The following GARIN1B variants were observed in gnomAD, a reference collection of about 807,000 sequenced individuals.
The protein encoded by GARIN1B is golgi associated RAB2 interactor 1B, also known as Golgi-associated RAB2 interactor protein 1B.
the GARIN1B span, among the ~76,000 whole-genome samples, chr7:128,712,198 C>G: frequency 6.6e-6 from 1 of 152,126 alleles, no homozygotes; most frequent in Non-Finnish European, 1.5e-5. Context: ...GCTTCAGGGC[C>G]TCTAATTCAT....
chr7:128,715,824 G>C, the GARIN1B span: 1 of 795,552 alleles, frequency 1.3e-6, no homozygotes. Flanking sequence ...GACCTGGAAT[G>C]CAAGGCCACC....
chr7:128,711,053 TA>T, the GARIN1B span, among the ~76,000 whole-genome samples: 1 of 152,332 alleles, frequency 6.6e-6, no homozygotes. Flanking sequence ...ATATTATATT[TA>T]ATTTCCTTGA....
At chr7:128,726,682 A>C in the GARIN1B span, 1 of 535,412 alleles carries the variant, frequency 1.9e-6, no homozygotes, top group Non-Finnish European at 2.9e-6. Flanking sequence ...ACACCCATCC[A>C]ATATAGCCAC....
chr7:128,716,099 G>A, the GARIN1B span, among the ~76,000 whole-genome samples: 1 of 152,204 alleles, frequency 6.6e-6, no homozygotes, highest in African/African-American at 2.4e-5. Flanking sequence ...CCAGTCCTCT[G>A]CCTTCTCCTT....
chr7:128,715,430 G>A, the GARIN1B span: 3 of 1,612,582 alleles, frequency 1.9e-6, no homozygotes, highest in Non-Finnish European at 1.7e-6. Context: ...AGGCCCCTGA[G>A]CATGTGTAGA....
chr7:128,717,654 C>T, the GARIN1B span, among the ~76,000 whole-genome samples: 1 of 151,734 alleles, frequency 6.6e-6, no homozygotes, highest in African/African-American at 2.4e-5. Flanking sequence ...ACCATGTTGG[C>T]CAGGCTGGTC....
the GARIN1B span, among the ~76,000 whole-genome samples, chr7:128,725,732 C>T: frequency 6.6e-6 from 1 of 152,150 alleles, no homozygotes; most frequent in Admixed American, 6.5e-5. Flanking sequence ...TCATTGGCCA[C>T]ACTCAGTCAC....
chr7:128,709,750 C>CTTTTTTTT, the GARIN1B span, among the ~76,000 whole-genome samples: 7 of 114,618 alleles, frequency 6.1e-5, 1 homozygote, highest in African/African-American at 6.9e-5. Context: ...CTCTCTCTCT[C>CTTTTTTTT]TTTTTTTTTT....
the GARIN1B span, chr7:128,715,719 CT>C: frequency 6.4e-7 from 1 of 1,564,160 alleles, no homozygotes; most frequent in Non-Finnish European, 8.8e-7. Context: ...GAATAGCACT[CT>C]TTGATTCTTC....
chr7:128,718,456 A>C, the GARIN1B span, among the ~76,000 whole-genome samples: 4 of 151,720 alleles, frequency 2.6e-5, no homozygotes, highest in Non-Finnish European at 5.9e-5. Flanking sequence ...AAAAAGAAAG[A>C]AAGAAAAGAA....
chr7:128,717,092 A>AT, the GARIN1B span: 1 of 1,153,984 alleles, frequency 8.7e-7, no homozygotes, highest in East Asian at 2.6e-5. Context: ...GAAGATAGAG[A>AT]TGTCATCAGC....
the GARIN1B span, among the ~76,000 whole-genome samples, chr7:128,718,446 A>G: frequency 8.6e-5 from 13 of 151,662 alleles, no homozygotes; most frequent in Non-Finnish European, 1.5e-5. Context: ...AAAAAAAAAA[A>G]AAAAGAAAGA....
chr7:128,716,889 C>G, the GARIN1B span: 1 of 1,613,948 alleles, frequency 6.2e-7, no homozygotes, highest in Non-Finnish European at 8.5e-7. Context: ...TCCTCGGTAC[C>G]CTGCCTGCCC....
At chr7:128,718,970 C>G in the GARIN1B span, 2 of 1,614,148 alleles carry the variant, frequency 1.2e-6, no homozygotes, top group Non-Finnish European at 1.7e-6. Flanking sequence ...CTTCTGGATC[C>G]GACTGGTTCA....
chr7:128,720,889 G>C, the GARIN1B span, among the ~76,000 whole-genome samples: 6 of 152,080 alleles, frequency 3.9e-5, no homozygotes, highest in Non-Finnish European at 8.8e-5. Context: ...GTTTGAAAAT[G>C]GGTGATATAA....
the GARIN1B span, among the ~76,000 whole-genome samples, chr7:128,725,338 T>TTTCC: frequency 0.091 from 13,572 of 149,382 alleles, 722 homozygotes; most frequent in Non-Finnish European, 0.11. Context: ...ATCAAATCAC[T>TTTCC]TTCCTTCCTT....
chr7:128,729,505 A>G, the GARIN1B span, among the ~76,000 whole-genome samples: 234 of 152,362 alleles, frequency 1.5e-3, no homozygotes, highest in Middle Eastern at 0.017. Context: ...AAGTGGACCA[A>G]GAACAGGCTC....
chr7:128,718,434 GAA>G, the GARIN1B span, among the ~76,000 whole-genome samples: 114 of 117,986 alleles, frequency 9.7e-4, 1 homozygote, highest in Admixed American at 1.5e-3. Context: ...CTTTGCCTCA[GAA>G]AAAAAAAAAA....
chr7:128,731,195 G>A, the GARIN1B span: 1 of 1,317,522 alleles, frequency 7.6e-7, no homozygotes, highest in East Asian at 2.3e-5. Context: ...GGATTATCGG[G>A]ATGGAGAGTA....
Sources: allele counts gnomAD v4.1 joint callset (sites outside exome capture counted in the v4.1 genomes callset), GRCh38; gene constraint gnomAD v4.1.1; transcripts MANE v1.5; gene names NCBI Gene and HGNC (gene_info 2026-07-23, HGNC 2026-07-21).